Variants in NIBAN2 observed in about 807,000 individuals in gnomAD.
NIBAN2 encodes protein Niban 2.
Under a neutral mutation model 81.8 loss-of-function variants are expected in NIBAN2, and 36 were observed. That is an observed-to-expected ratio of 0.44 (90% CI 0.34 to 0.58). The LOEUF is 0.58. Ranked by LOEUF, NIBAN2 falls within the 20% of genes least tolerant of loss-of-function variation. The pLI is 0.02. For missense variants in NIBAN2, 897 were observed against 1,014.1 expected (o/e 0.88, Z 1.57); for synonymous variants, 445 against 441.6 (o/e 1.01, Z -0.10).
chr9:127,534,691 G>A (rs958181828), intron 1 of NIBAN2, among the ~76,000 whole-genome samples: 5 of 152,180 alleles, frequency 3.3e-5, no homozygotes, highest in African/African-American at 1.2e-4. Context: ...GGTCATGTCT[G>A]TCCAGATTCC....
At chr9:127,524,412 C>T (rs1249479979) in intron 4 of NIBAN2, among the ~76,000 whole-genome samples, 1 of 152,222 alleles carries the variant, frequency 6.6e-6, no homozygotes, top group Non-Finnish European at 1.5e-5. Flanking sequence ...TCTGCCCTGG[C>T]TCTGGGTTGG....
At position 127,517,049 on chromosome 9, in the gene NIBAN2, G is replaced by C; in HGVS notation, c.811-30C>G. 1 of 1,611,178 alleles carries C rather than the reference G, an allele frequency of 6.2e-7. No individual in the cohort carries two copies. The highest frequency in any genetic ancestry group is 8.5e-7 in the Non-Finnish European group (1 of 1,177,896). ...GGGCAGAGCAGCTGAATTGGCACCA[G>C]GGCTGAGGGCACCGCACCAGCTGCA... is the stretch of plus-strand genomic sequence containing the variant. On this transcript the variant is annotated intron_variant, in intron 7 of 13. Coordinates refer to ENST00000373312, the MANE Select transcript of NIBAN2 (RefSeq NM_022833.4). The surrounding 1 kb of genome is among the most constrained non-coding windows in gnomAD (Gnocchi z 4.0).
Position 127,510,211 on chromosome 9 carries a change from A to G in NIBAN2, c.1096T>C (p.Phe366Leu). ...AGGTTCATGTCCGTGACCTCCTTGA[A>G]GAAGACATCTCGCACCTCAGTGAAG... ...QGFTEVRDVF[F>L]KEVTDMNLNV... is the part of the protein sequence containing the mutation. Residue 366 changes from phenylalanine (F) to leucine (L), a missense_variant, in exon 9 of 14, where the codon TTC (phenylalanine) becomes CTC (leucine). By Grantham distance (22) the Phe-to-Leu change is conservative. Coordinates refer to ENST00000373312, the MANE Select transcript of NIBAN2 (RefSeq NM_022833.4). 1 of 1,614,128 alleles carries G rather than the reference A, an allele frequency of 6.2e-7. No homozygotes were observed. Among genetic ancestry groups the G allele is most frequent in the Non-Finnish European group, 8.5e-7 (1 of 1,179,984 alleles).
chr9:127,568,945 C>T lies in NIBAN2; in HGVS notation c.-71G>A. The T allele has an allele frequency of 8.4e-7, 1 of 1,188,164 alleles. No individual in the cohort carries two copies. The highest frequency in any genetic ancestry group is 1.0e-6 in the Non-Finnish European group (1 of 960,980). 73.6% of individuals were successfully genotyped at this position (1,188,164 alleles called of 1,614,324 possible). A position where few individuals can be genotyped will look rare whatever the true frequency, so the allele number is the denominator to read the frequency against. Reference sequence around the variant, plus strand: ...GCCCGCGCTGCTCAGGCGGACGCCGCTGGCGCCATGGAGCCCGGCCCGCCC... The same window carrying T: ...GCCCGCGCTGCTCAGGCGGACGCCGTTGGCGCCATGGAGCCCGGCCCGCCC... On this transcript the variant is annotated 5_prime_UTR_variant, in exon 1 of 14. Transcript: ENST00000373312.
intron 8 of NIBAN2, among the ~76,000 whole-genome samples, chr9:127,514,133 G>A (rs1357654171): frequency 3.9e-5 from 6 of 152,070 alleles, no homozygotes; most frequent in Non-Finnish European, 4.4e-5. Context: ...GCCGGGCGTG[G>A]TGGTATGTGC....
chr9:127,513,314 G>A (rs961909871), intron 8 of NIBAN2, among the ~76,000 whole-genome samples: 2 of 152,120 alleles, frequency 1.3e-5, no homozygotes, highest in African/African-American at 4.8e-5. Flanking sequence ...GAGGGCGAGG[G>A]GGAGATGGGA....
At chr9:127,539,607 G>C (rs866046660) in intron 1 of NIBAN2, among the ~76,000 whole-genome samples, 1 of 152,154 alleles carries the variant, frequency 6.6e-6, no homozygotes, top group African/African-American at 2.4e-5. Context: ...TAAAATGGGA[G>C]GGTGGGTCCC....
Position 127,527,286 on chromosome 9 carries a change from G to T in NIBAN2, c.223C>A (p.Leu75Ile), listed in dbSNP as rs754633835. ...LDERIVFSGN[L>I]FQHQEDSKKW... ...TTGCTGTCCTCCTGGTGCTGGAAGA[G>T]GTTCCCCGAGAAGACGATGCGCTCG... The change falls in exon 3 of 14, where the codon CTC becomes ATC. Residue 75 changes from leucine to isoleucine, a missense_variant. By Grantham distance (5) the Leu-to-Ile change is conservative. Around this residue, in one of 3 missense-constraint regions of NIBAN2, gnomAD observed 209 missense variants for 208.4 expected, o/e 1.00. Transcript: ENST00000373312. 6 of 1,613,890 alleles carry T rather than the reference G, an allele frequency of 3.7e-6. No individual in the cohort carries two copies. In the South Asian group the frequency reaches 5.5e-5, roughly 15 times the overall value.
intron 1 of NIBAN2, among the ~76,000 whole-genome samples, chr9:127,550,752 T>C (rs931056764): frequency 6.6e-6 from 1 of 152,108 alleles, no homozygotes; most frequent in Non-Finnish European, 1.5e-5. Flanking sequence ...CCTGCAAATA[T>C]AGGGCTGGGT....
At chr9:127,574,634 C>A (rs1837986864) in intron 1 of NIBAN2, among the ~76,000 whole-genome samples, 1 of 152,140 alleles carries the variant, frequency 6.6e-6, no homozygotes, top group African/African-American at 2.4e-5. Flanking sequence ...CTGCTCTCCC[C>A]ACAAACCTGT....
intron 9 of NIBAN2, chr9:127,509,800 TCTCCTTCCCTCCTTCCCTCCTCTCCTTCC>T (rs1564294175): frequency 6.1e-5 from 2 of 32,872 alleles, no homozygotes; most frequent in African/African-American, 2.1e-4. Context: ...CCTTCCCTCC[TCTCCTTCCCTCCTTCCCTCCTCTCCTTCC>T]CTCCTTCCCT....
chr9:127,568,078 G>A (rs866586434), intron 1 of NIBAN2, among the ~76,000 whole-genome samples: 1 of 152,198 alleles, frequency 6.6e-6, no homozygotes, highest in South Asian at 2.1e-4. Flanking sequence ...GAGCCTTGGG[G>A]ACAGCTGTCC....
At position 127,545,741 on chromosome 9, in the gene NIBAN2, A is replaced by T. The variant is rs545008692; in HGVS notation, c.56-13963T>A. On this transcript the variant is annotated intron_variant, in intron 1 of 13. Coordinates refer to ENST00000373312, the MANE Select transcript of NIBAN2 (RefSeq NM_022833.4). The surrounding 1 kb of genome is among the most constrained non-coding windows in gnomAD (Gnocchi z 4.7). The stretch of plus-strand genomic sequence containing the variant: ...GGCGGGAGCCCAGAGAAATGCACCC[A>T]AAAAAACGGGTGACCCAAAACCCGC... Among the ~76,000 whole-genome samples the T allele has an allele frequency of 1.2e-4, 18 of 152,260 alleles. No individual in the cohort carries two copies. Among genetic ancestry groups the T allele is most frequent in the African/African-American group, 4.3e-4 (18 of 41,546 alleles).
chr9:127,510,068 G>A, intron 9 of NIBAN2, 78 bp downstream of exon 9: 1 of 1,368,348 alleles, frequency 7.3e-7, no homozygotes, highest in Non-Finnish European at 1.0e-6. Context: ...GCTGCCCGGA[G>A]TCACGCAGCC....
In NIBAN2 at chr9:127,528,639, A is replaced by G. The variant is rs961651183; in HGVS notation, c.187-1317T>C. 7.2e-5 allele frequency among the ~76,000 whole-genome samples: 11 copies of G among 152,160 alleles called. No individual in the cohort carries two copies. The East Asian group carries it at 1.7e-3, about 24-fold the overall frequency. On this transcript the variant is annotated intron_variant, in intron 2 of 13. Coordinates refer to ENST00000373312, the MANE Select transcript of NIBAN2 (RefSeq NM_022833.4). The stretch of plus-strand genomic sequence containing the variant: ...ATTGTGCTCACACAATAGGACCTGC[A>G]GGCTTCTTCCTACCGGGTATAAAAA...
chr9:127,507,196 C>G lies in NIBAN2; in HGVS notation c.1890G>C (p.Glu630Asp). 6.2e-7 allele frequency: 1 copy of G among 1,613,180 alleles called. No homozygotes were observed. ...GGCTAGCCTCAAAGGGCAGCCCCAC[C>G]TCCTCATCCTGGACCACAGAGACCA... Reference protein sequence around the residue: ...KQVVSVVQDEEVGLPFEASPE... With the variant: ...KQVVSVVQDEDVGLPFEASPE... Residue 630 changes from glutamate to aspartate, a missense_variant, in exon 14 of 14, where the codon GAG becomes GAC. Transcript: ENST00000373312. The surrounding 1 kb of genome is among the most constrained non-coding windows in gnomAD (Gnocchi z 6.8).
At chr9:127,540,405 G>A (rs1837356129) in intron 1 of NIBAN2, among the ~76,000 whole-genome samples, 1 of 152,166 alleles carries the variant, frequency 6.6e-6, no homozygotes, top group African/African-American at 2.4e-5. Flanking sequence ...ACCTAAAAAG[G>A]CGTATCCCGG....
At chr9:127,546,701 C>T (rs56329524) in intron 1 of NIBAN2, among the ~76,000 whole-genome samples, 1,982 of 152,206 alleles carry the variant, frequency 0.013, 27 homozygotes, top group Non-Finnish European at 0.021. Context: ...CAAGTTCAGG[C>T]GAGGCTCTGA....
intron 2 of NIBAN2, among the ~76,000 whole-genome samples, 199 bp downstream of exon 2, chr9:127,531,449 A>C (rs1426918475): frequency 5.3e-5 from 8 of 152,106 alleles, no homozygotes; most frequent in Non-Finnish European, 1.0e-4. Flanking sequence ...GTGCCACTGC[A>C]CTCCAGCCTG....
Sources: gnomAD v4.1 joint callset for allele counts (sites outside exome capture counted in the v4.1 genomes callset) on GRCh38, gnomAD v4.1.1 for gene constraint, gnomAD v4.1.1 regional missense constraint, Gnocchi (gnomAD v3.1) non-coding constraint, MANE v1.5 for transcripts, NCBI Gene and HGNC (gene_info 2026-07-23, HGNC 2026-07-21) for gene names.